ARHGAP6: variants seen among roughly 807,000 people sequenced by gnomAD.
The protein encoded by ARHGAP6 is Rho GTPase activating protein 6.
A neutral mutation model predicts 55.7 loss-of-function variants in ARHGAP6; 16 were observed. That is an observed-to-expected ratio of 0.29 (90% confidence interval 0.19 to 0.44). ARHGAP6 has a LOEUF of 0.44. Among genes scored for constraint, ARHGAP6 ranks in the 20% least tolerant of loss-of-function variants. The probability of loss-of-function intolerance (pLI) is 1.00; values close to 1 mark genes in which losing one functional copy is unlikely to be tolerated. For synonymous variants in ARHGAP6, 382 were observed against 360.9 expected (o/e 1.06, Z -0.66); for missense variants, 698 against 808.9 (o/e 0.86, Z 1.66).
At chrX:11,198,390 C>T (rs1354002887) in intron 2 of ARHGAP6, among the ~76,000 whole-genome samples, 1 of 111,905 alleles carries the variant, frequency 8.9e-6, no homozygotes, top group Non-Finnish European at 1.9e-5. Flanking sequence ...ATATGAACAA[C>T]ATCTAAAAGA....
intron 1 of ARHGAP6, among the ~76,000 whole-genome samples, chrX:11,277,710 T>TTAA (rs1555981106): frequency 9.3e-6 from 1 of 107,809 alleles, no homozygotes; most frequent in South Asian, 4.0e-4. Context: ...TTTTTTTTTT[T>TTAA]AAAAAAAAAT....
chrX:11,369,744 G>C (rs1329585091), intron 1 of ARHGAP6, among the ~76,000 whole-genome samples: 1 of 112,211 alleles, frequency 8.9e-6, no homozygotes, highest in Non-Finnish European at 1.9e-5. Context: ...AGTGTAGTTT[G>C]AATTCCTCCC....
Position 11,292,758 on chromosome X carries a change from C to G in ARHGAP6, c.589-38051G>C, listed in dbSNP as rs1428253584. ...GTAAAAGCTTTGCTACTGCAAGAACCTTAAGTTCCTGATTGTTTTTACGGT... is the reference window on the plus strand; with the variant it reads ...GTAAAAGCTTTGCTACTGCAAGAACGTTAAGTTCCTGATTGTTTTTACGGT... On this transcript the variant is annotated intron_variant, in intron 1 of 12. Transcript: ENST00000337414. 5.3e-5 allele frequency among the ~76,000 whole-genome samples: 6 copies of G among 112,274 alleles called. No individual in the cohort carries two copies. The Admixed American group carries it at 5.7e-4, about 11-fold the overall frequency.
intron 1 of ARHGAP6, among the ~76,000 whole-genome samples, chrX:11,448,122 T>A (rs756259815): frequency 8.9e-6 from 1 of 112,455 alleles, no homozygotes; most frequent in Non-Finnish European, 1.9e-5. Context: ...TCAAAGCATA[T>A]TCAGCCACTC....
chrX:11,409,957 A>C (rs192586234), intron 1 of ARHGAP6, among the ~76,000 whole-genome samples: 134 of 111,850 alleles, frequency 1.2e-3, no homozygotes, highest in East Asian at 4.5e-3. Context: ...ATTACTACTA[A>C]TAATAATAAC....
At chrX:11,643,719 G>T (rs2052498891) in intron 1 of ARHGAP6, among the ~76,000 whole-genome samples, 1 of 111,190 alleles carries the variant, frequency 9.0e-6, no homozygotes, top group African/African-American at 3.3e-5. Flanking sequence ...AATTTGGGCT[G>T]CCATGTAGCC....
chrX:11,227,217 T>A (rs2047062102), intron 2 of ARHGAP6, among the ~76,000 whole-genome samples: 1 of 112,000 alleles, frequency 8.9e-6, no homozygotes, highest in Non-Finnish European at 1.9e-5. Context: ...AGAGAACATG[T>A]TGCTATAATG....
At chrX:11,349,549 A>C (rs1362020138) in intron 1 of ARHGAP6, among the ~76,000 whole-genome samples, 1 of 111,664 alleles carries the variant, frequency 9.0e-6, no homozygotes, top group African/African-American at 3.3e-5. Context: ...GAATCACTGA[A>C]TGAGAGCAAA....
intron 2 of ARHGAP6, among the ~76,000 whole-genome samples, chrX:11,226,836 T>G (rs1195715679): frequency 8.9e-6 from 1 of 112,063 alleles, no homozygotes; most frequent in East Asian, 2.8e-4. Flanking sequence ...AAACTATTAG[T>G]GACTAGTAAT....
intron 1 of ARHGAP6, among the ~76,000 whole-genome samples, chrX:11,490,174 G>T (rs1161115268): frequency 9.0e-6 from 1 of 111,161 alleles, no homozygotes; most frequent in Non-Finnish European, 1.9e-5. Flanking sequence ...AAAGTGATAC[G>T]ATTCCATTCC....
intron 1 of ARHGAP6, among the ~76,000 whole-genome samples, chrX:11,260,079 G>T: frequency 9.0e-6 from 1 of 111,065 alleles, no homozygotes; most frequent in East Asian, 2.8e-4. Context: ...GGAAGCAGAG[G>T]TGGGAGAGAG....
At chrX:11,530,579 G>C (rs2051037261) in intron 1 of ARHGAP6, among the ~76,000 whole-genome samples, 1 of 111,901 alleles carries the variant, frequency 8.9e-6, no homozygotes, top group African/African-American at 3.2e-5. Context: ...ATCTTAATTT[G>C]CAGACTGAGA....
At chrX:11,351,680 G>GT in intron 1 of ARHGAP6, 1 of 559,961 alleles carries the variant, frequency 1.8e-6, no homozygotes, top group Non-Finnish European at 2.2e-6. Flanking sequence ...TGGACCCACA[G>GT]TGCAGCTGGA....
intron 1 of ARHGAP6, among the ~76,000 whole-genome samples, chrX:11,295,954 C>A: frequency 8.9e-6 from 1 of 112,208 alleles, no homozygotes; most frequent in East Asian, 2.8e-4. Context: ...AATACAGGCA[C>A]CAGACACTTG....
intron 9 of ARHGAP6, among the ~76,000 whole-genome samples, chrX:11,164,264 T>C (rs1448571827): frequency 8.9e-6 from 1 of 112,472 alleles, no homozygotes; most frequent in Non-Finnish European, 1.9e-5. Flanking sequence ...ATTCATTTAG[T>C]CACTGCATCA....
chrX:11,511,975 T>A (rs778114948), intron 1 of ARHGAP6, among the ~76,000 whole-genome samples: 1 of 111,056 alleles, frequency 9.0e-6, no homozygotes, highest in Non-Finnish European at 1.9e-5. Context: ...TACAGGTGCC[T>A]GCCACCACAC....
chrX:11,604,654 G>GA (rs1488636639), intron 1 of ARHGAP6, among the ~76,000 whole-genome samples: 1 of 112,194 alleles, frequency 8.9e-6, no homozygotes, highest in Non-Finnish European at 1.9e-5. Flanking sequence ...AGGTTCTCTA[G>GA]AAAAAGACTA....
Position 11,144,074 on chromosome X carries a change from C to T in ARHGAP6, c.2082G>A (p.Glu694=), listed in dbSNP as rs985013029. The change falls in exon 11 of 13, where the codon GAG becomes GAA. Residue 694 remains glutamate (E), a synonymous_variant. Transcript: ENST00000337414. The part of the protein sequence containing the change: ...MQEDAAPGGS[E]KLYRVPGQFM... Reference sequence around the variant, plus strand: ...ACTGCCCTGGCACTCTGTAAAGCTTCTCCGAGCCCCCCGGGGCCGCGTCCT... The same window carrying T: ...ACTGCCCTGGCACTCTGTAAAGCTTTTCCGAGCCCCCCGGGGCCGCGTCCT... The T allele has an allele frequency of 5.8e-6, 7 of 1,209,513 alleles. No homozygotes were observed. Among genetic ancestry groups the T allele is most frequent in the Non-Finnish European group, 7.8e-6 (7 of 894,966 alleles).
intron 1 of ARHGAP6, among the ~76,000 whole-genome samples, chrX:11,453,299 T>C (rs2050163495): frequency 1.0e-5 from 1 of 100,418 alleles, no homozygotes; most frequent in South Asian, 4.2e-4. Flanking sequence ...ATACATAATA[T>C]ATATATATAG....
Sources: allele counts gnomAD v4.1 joint callset (sites outside exome capture counted in the v4.1 genomes callset), GRCh38; gene constraint gnomAD v4.1.1; transcripts MANE v1.5; gene names NCBI Gene and HGNC (gene_info 2026-07-23, HGNC 2026-07-21).